The following CRACR2A variants were observed in gnomAD, a reference collection of about 807,000 sequenced individuals.
CRACR2A encodes calcium release activated channel regulator 2A.
In CRACR2A, 79 loss-of-function variants were observed where a neutral mutation model predicts 90.5. The observed-to-expected ratio is 0.87, with a 90% CI of 0.73 to 1.05. The LOEUF is 1.05. CRACR2A is among the 50% of genes least tolerant of loss of function. The probability of loss-of-function intolerance (pLI) is 0.00; values close to 1 mark genes in which losing one functional copy is unlikely to be tolerated. For synonymous variants in CRACR2A, 338 were observed against 356.7 expected, an observed-to-expected ratio of 0.95 and a Z score of 0.59; for missense variants, 823 against 897.2, an observed-to-expected ratio of 0.92 and a Z score of 1.06.
chr12:3,684,726 T>A (rs1313196726), intron 4 of CRACR2A, among the ~76,000 whole-genome samples: 1 of 152,248 alleles, frequency 6.6e-6, no homozygotes, highest in Non-Finnish European at 1.5e-5. Context: ...CACTTGGCTG[T>A]ACACCACTAT....
At chr12:3,679,132 A>G (rs371099321) in intron 5 of CRACR2A, 34 bp from the exon 6 acceptor site, 1 of 1,562,302 alleles carries the variant, frequency 6.4e-7, no homozygotes, top group African/African-American at 1.4e-5. Flanking sequence ...TCCGAATTAG[A>G]CCATACCCAT....
Position 3,711,983 on chromosome 12 carries a change from A to G in CRACR2A, c.-37+1254T>C, listed in dbSNP as rs1018507009. The stretch of plus-strand genomic sequence containing the variant: ...GTGGCTGGTTGAAAATGAGAGGAAA[A>G]CAAAGACAACAATGAATCTAGCCTG... On this transcript the variant is annotated intron_variant, in intron 3 of 19. Coordinates refer to ENST00000440314, the MANE Select transcript of CRACR2A (RefSeq NM_001144958.2). This position sits in a 1 kb window ranked among gnomAD's most constrained non-coding sequence, Gnocchi z 4.3. 3.3e-5 allele frequency among the ~76,000 whole-genome samples: 5 copies of G among 152,172 alleles called. No individual in the cohort carries two copies. The highest frequency in any genetic ancestry group is 1.2e-4 in the African/African-American group (5 of 41,450).
chr12:3,721,380 AAAG>A (rs1469056416), intron 2 of CRACR2A, among the ~76,000 whole-genome samples: 5 of 147,384 alleles, frequency 3.4e-5, no homozygotes, highest in Non-Finnish European at 4.6e-5. Flanking sequence ...CAAAAAAAAA[AAAG>A]AAAGAAAGAA....
In CRACR2A at chr12:3,648,648, C is replaced by T. The variant is rs1246235773; in HGVS notation, c.1047-35G>A. On this transcript the variant is annotated intron_variant, in intron 10 of 19. Transcript: ENST00000440314. The stretch of plus-strand genomic sequence containing the variant: ...AGGCAAACACATGGCAGTGAGCTCC[C>T]AGGTGGAAGCCGGATGCCCGGACCC... 4 of 1,595,428 alleles carry T rather than the reference C, an allele frequency of 2.5e-6. No homozygotes were observed. In the African/African-American group the frequency reaches 5.4e-5, roughly 21 times the overall value.
At chr12:3,671,866 A>G (rs151030460) in intron 7 of CRACR2A, among the ~76,000 whole-genome samples, 97 of 152,352 alleles carry the variant, frequency 6.4e-4, no homozygotes, top group African/African-American at 1.6e-3. Flanking sequence ...TGTGAGATGG[A>G]TACTGTCCCT....
At chr12:3,666,751 G>T (rs534204046) in intron 7 of CRACR2A, among the ~76,000 whole-genome samples, 3 of 152,334 alleles carry the variant, frequency 2.0e-5, no homozygotes, top group South Asian at 2.1e-4. Flanking sequence ...TTGGTCAAAA[G>T]ATTTTTTTCC....
At chr12:3,673,731 G>T in intron 6 of CRACR2A, 139 bp from the exon 7 acceptor site, 1 of 1,064,796 alleles carries the variant, frequency 9.4e-7, no homozygotes, top group Non-Finnish European at 1.3e-6. Flanking sequence ...AACGTGGACC[G>T]AATGCTTGCT....
intron 7 of CRACR2A, among the ~76,000 whole-genome samples, chr12:3,669,219 C>T (rs1376893862): frequency 6.6e-6 from 1 of 152,148 alleles, no homozygotes; most frequent in African/African-American, 2.4e-5. Flanking sequence ...GGACCTCTGG[C>T]ATCCCAAAAT....
At chr12:3,743,540 G>A (rs924498613) in intron 1 of CRACR2A, among the ~76,000 whole-genome samples, 3 of 152,220 alleles carry the variant, frequency 2.0e-5, no homozygotes, top group African/African-American at 7.2e-5. Flanking sequence ...AACAGCCTGG[G>A]GGAGGTGTCC....
chr12:3,663,128 T>C (rs760100311), intron 7 of CRACR2A, among the ~76,000 whole-genome samples: 3 of 152,146 alleles, frequency 2.0e-5, no homozygotes, highest in African/African-American at 7.2e-5. Flanking sequence ...AATTAGGTTA[T>C]AAACACGCAG....
At chr12:3,627,129 C>G (rs968630883) in intron 17 of CRACR2A, among the ~76,000 whole-genome samples, 1 of 152,172 alleles carries the variant, frequency 6.6e-6, no homozygotes, top group Non-Finnish European at 1.5e-5. Flanking sequence ...TCCCCTCCCC[C>G]AATCCAGTCC....
At chr12:3,740,391 G>C (rs183666939) in intron 1 of CRACR2A, among the ~76,000 whole-genome samples, 2 of 152,256 alleles carry the variant, frequency 1.3e-5, no homozygotes, top group Admixed American at 1.3e-4. Context: ...TGGTGTCAAG[G>C]AAACAAAAAG....
intron 10 of CRACR2A, among the ~76,000 whole-genome samples, chr12:3,653,095 G>A (rs1349404216): frequency 2.0e-5 from 3 of 152,018 alleles, no homozygotes; most frequent in African/African-American, 4.8e-5. Flanking sequence ...CCATTCTCCT[G>A]CCTCAGCCTC....
intron 15 of CRACR2A, among the ~76,000 whole-genome samples, chr12:3,632,027 C>A (rs186039035): frequency 2.0e-5 from 3 of 152,214 alleles, no homozygotes; most frequent in Admixed American, 6.5e-5. Flanking sequence ...GGAGGTGGGG[C>A]CTGGAGGGAG....
At chr12:3,619,248 A>G (rs765754420) in intron 18 of CRACR2A, 23 bp downstream of exon 18, 6 of 1,541,662 alleles carry the variant, frequency 3.9e-6, no homozygotes, top group Non-Finnish European at 5.3e-6. Flanking sequence ...CTGTCCAGAG[A>G]GATGGAAATG....
chr12:3,630,877 T>C (rs1944364995), intron 15 of CRACR2A, among the ~76,000 whole-genome samples: 1 of 152,088 alleles, frequency 6.6e-6, no homozygotes, highest in Admixed American at 6.5e-5. Context: ...CAAAACATGC[T>C]CTTATGAGGG....
At chr12:3,744,383 T>C (rs1464280194) in intron 1 of CRACR2A, among the ~76,000 whole-genome samples, 1 of 152,180 alleles carries the variant, frequency 6.6e-6, no homozygotes, top group Admixed American at 6.5e-5. Context: ...CTAGAAACCT[T>C]CTCGAGTAGA....
intron 3 of CRACR2A, among the ~76,000 whole-genome samples, chr12:3,712,946 A>G (rs1002396441): frequency 6.6e-6 from 1 of 151,968 alleles, no homozygotes; most frequent in African/African-American, 2.4e-5. Flanking sequence ...TCGTGCCCAC[A>G]TGTAAAAGAG....
At chr12:3,722,645 G>A (rs1456765606) in intron 2 of CRACR2A, among the ~76,000 whole-genome samples, 1 of 152,202 alleles carries the variant, frequency 6.6e-6, no homozygotes, top group Non-Finnish European at 1.5e-5. Context: ...AGGACACACA[G>A]TACCAACAGG....
Sources: gnomAD v4.1 joint callset for allele counts (sites outside exome capture counted in the v4.1 genomes callset) on GRCh38, gnomAD v4.1.1 for gene constraint, Gnocchi (gnomAD v3.1) non-coding constraint, MANE v1.5 for transcripts, NCBI Gene and HGNC (gene_info 2026-07-23, HGNC 2026-07-21) for gene names.